The following ZNF860 variants were observed in gnomAD, a reference collection of about 807,000 sequenced individuals.
ZNF860 encodes the protein zinc finger protein 860.
For missense variants in ZNF860, 641 were observed against 759.2 expected (o/e 0.84, Z 1.83); for synonymous variants, 206 against 248.9 (o/e 0.83, Z 1.62).
At chr3:31,994,673 A>G (rs1398514940), downstream of ZNF860, among the ~76,000 whole-genome samples, 1 of 152,248 alleles carries the variant, frequency 6.6e-6, no homozygotes, top group Admixed American at 6.5e-5. Context: ...ATGAGACACC[A>G]AATCAGAAAA....
chr3:32,003,436 C>A, the ZNF860 span, among the ~76,000 whole-genome samples: 2 of 152,174 alleles, frequency 1.3e-5, no homozygotes, highest in Non-Finnish European at 2.9e-5. Flanking sequence ...TGTAGACTTG[C>A]CCTGAACCAT....
intron 1 of ZNF860, among the ~76,000 whole-genome samples, chr3:31,984,224 T>C (rs1307646903): frequency 3.9e-5 from 6 of 152,002 alleles, no homozygotes; most frequent in Non-Finnish European, 7.4e-5. Context: ...GTATTTTTAG[T>C]AGAGATGGGA....
At chr3:31,995,923 C>T (rs1699086772), downstream of ZNF860, among the ~76,000 whole-genome samples, 1 of 152,106 alleles carries the variant, frequency 6.6e-6, no homozygotes, top group South Asian at 2.1e-4. Context: ...ATCTCCCCTT[C>T]CTGATTTGCC....
chr3:31,988,712 G>A lies in ZNF860; in HGVS notation c.-368G>A. On this transcript the variant is annotated 5_prime_UTR_variant, in exon 2 of 2. Coordinates refer to ENST00000360311, the MANE Select transcript of ZNF860 (RefSeq NM_001137674.3). ...CATAAGGATACTCAGGCCACCAATGGATAGCCCAGGCAGGAGGCATGAAGG... is the reference window on the plus strand; with the variant it reads ...CATAAGGATACTCAGGCCACCAATGAATAGCCCAGGCAGGAGGCATGAAGG... 3 of 249,612 alleles carry A rather than the reference G, an allele frequency of 1.2e-5. No individual in the cohort carries two copies. In the South Asian group the frequency reaches 2.1e-4, roughly 18 times the overall value. The allele number at this position is 249,612 out of a possible 1,614,324, so 15.5% of individuals were successfully genotyped here.
downstream of ZNF860, among the ~76,000 whole-genome samples, chr3:31,993,920 A>G (rs9882456): frequency 6.6e-6 from 1 of 152,236 alleles, no homozygotes; most frequent in Admixed American, 6.5e-5. Context: ...TTGTTTGTGA[A>G]TGTTTATTGA....
chr3:31,983,113 A>G (rs1052661228), intron 1 of ZNF860, among the ~76,000 whole-genome samples: 11 of 152,180 alleles, frequency 7.2e-5, no homozygotes, highest in Non-Finnish European at 4.4e-5. Context: ...ACATGCACAA[A>G]ATGTTTGTTT....
chr3:32,001,858 C>A, the ZNF860 span, among the ~76,000 whole-genome samples: 4 of 152,176 alleles, frequency 2.6e-5, no homozygotes, highest in Non-Finnish European at 5.9e-5. Flanking sequence ...ACCCAGTAAT[C>A]TCTATTATCC....
rs1395094242 is a variant in ZNF860 at position 31,989,206 on chromosome 3, C to A, written c.127C>A (p.Pro43Thr). The A allele has an allele frequency of 6.2e-7, 1 of 1,614,030 alleles. No homozygotes were observed. The highest frequency in any genetic ancestry group is 8.5e-7 in the Non-Finnish European group (1 of 1,180,014). The change falls in exon 2 of 2, where the codon CCT becomes ACT. Residue 43 changes from proline to threonine, a missense_variant. Transcript: ENST00000360311. ...FSLEEWKCLD[P>T]TQRALYRAMM... ...TTTGGAGGAGTGGAAATGCCTGGAC[C>A]CTACGCAGAGGGCTTTATACAGGGC...
In ZNF860 at chr3:31,991,518, G is replaced by A. The variant is rs528469118; in HGVS notation, c.*540G>A. 2 of 166,770 alleles carry A rather than the reference G, an allele frequency of 1.2e-5. No homozygotes were observed. The highest frequency in any genetic ancestry group is 4.8e-5 in the African/African-American group (2 of 41,502). The allele number at this position is 166,770 out of a possible 1,614,324, so 10.3% of individuals were successfully genotyped here. On this transcript the variant is annotated 3_prime_UTR_variant, in exon 2 of 2. Coordinates refer to ENST00000360311, the MANE Select transcript of ZNF860 (RefSeq NM_001137674.3). ...CTTACTGTAAGTTCTCTAGCAAATGGAAGTGTTTTCTTAATTTTCTTTTAA... is the reference window on the plus strand; with the variant it reads ...CTTACTGTAAGTTCTCTAGCAAATGAAAGTGTTTTCTTAATTTTCTTTTAA...
In ZNF860 at chr3:31,989,454, A is replaced by G; in HGVS notation, c.375A>G (p.Glu125=). 1 of 1,614,240 alleles carries G rather than the reference A, an allele frequency of 6.2e-7. No homozygotes were observed. Among genetic ancestry groups the G allele is most frequent in the South Asian group, 1.1e-5 (1 of 91,076 alleles). ...AAGAAGACAAAAGAAATAGCCATGA[A>G]GCAACTATGACACAAATCAAAAAGT... is the stretch of plus-strand genomic sequence containing the variant. ...QWQEDKRNSH[E]ATMTQIKKLT... The change falls in exon 2 of 2, where the codon GAA becomes GAG. Residue 125 remains glutamate, a synonymous_variant. Coordinates refer to ENST00000360311, the MANE Select transcript of ZNF860 (RefSeq NM_001137674.3).
the ZNF860 span, among the ~76,000 whole-genome samples, chr3:31,996,765 C>T: frequency 2.0e-5 from 3 of 151,968 alleles, no homozygotes; most frequent in East Asian, 1.9e-4. Flanking sequence ...AAAAAGATCC[C>T]GCTATCAACT....
intron 1 of ZNF860, among the ~76,000 whole-genome samples, chr3:31,986,801 T>C (rs908462285): frequency 2.6e-5 from 4 of 151,962 alleles, no homozygotes; most frequent in African/African-American, 9.7e-5. Flanking sequence ...GCCCAGGAGT[T>C]CCAGACCAGC....
chr3:31,990,465 C>A lies in ZNF860; in HGVS notation c.1386C>A (p.Thr462=), dbSNP rs879205768. The A allele has an allele frequency of 5.1e-6, 8 of 1,565,110 alleles. No homozygotes were observed. The highest frequency in any genetic ancestry group is 3.6e-5 in the South Asian group (3 of 84,320). Residue 462 remains threonine (T), a synonymous_variant, in exon 2 of 2, where the codon ACC becomes ACA. Coordinates refer to ENST00000360311, the MANE Select transcript of ZNF860 (RefSeq NM_001137674.3). Reference sequence around the variant, plus strand: ...ACAAGTGTAATGAGTGTGGCAAGACCTTCCATCACAATTCAGCCCTTGTAA... The same window carrying A: ...ACAAGTGTAATGAGTGTGGCAAGACATTCCATCACAATTCAGCCCTTGTAA... The part of the protein sequence containing the change: ...KPYKCNECGK[T]FHHNSALVIH...
downstream of ZNF860, among the ~76,000 whole-genome samples, chr3:31,996,231 A>G (rs975675876): frequency 6.6e-6 from 1 of 152,210 alleles, no homozygotes; most frequent in African/African-American, 2.4e-5. Context: ...TAAAAGGGGG[A>G]AAATACAATT....
chr3:31,994,500 G>T (rs71323063), downstream of ZNF860, among the ~76,000 whole-genome samples: 7,198 of 146,478 alleles, frequency 0.049, 217 homozygotes, highest in East Asian at 0.12. Context: ...AAGGATGGAT[G>T]GATGGATGGA....
downstream of ZNF860, among the ~76,000 whole-genome samples, chr3:31,996,201 G>A (rs747150152): frequency 1.2e-4 from 18 of 152,168 alleles, no homozygotes; most frequent in Non-Finnish European, 2.1e-4. Flanking sequence ...TACCAAAGTG[G>A]ACAAAATATT....
intron 1 of ZNF860, chr3:31,986,281 AGAG>A (rs926550530): frequency 2.6e-4 from 40 of 152,254 alleles, no homozygotes; most frequent in African/African-American, 9.6e-4. Flanking sequence ...AGAAACTCAA[AGAG>A]GAGGAGTTGA....
downstream of ZNF860, among the ~76,000 whole-genome samples, chr3:31,993,562 A>T (rs1359883252): frequency 1.3e-5 from 2 of 152,190 alleles, no homozygotes; most frequent in Non-Finnish European, 2.9e-5. Flanking sequence ...ACCAAATAAG[A>T]TATACAGATG....
chr3:32,004,976 C>A, the ZNF860 span, among the ~76,000 whole-genome samples: 1 of 152,176 alleles, frequency 6.6e-6, no homozygotes, highest in Non-Finnish European at 1.5e-5. Flanking sequence ...TAATAAGTAT[C>A]CTTGGATAGG....
Sources: gnomAD v4.1 joint callset for allele counts (sites outside exome capture counted in the v4.1 genomes callset) on GRCh38, gnomAD v4.1.1 for gene constraint, MANE v1.5 for transcripts, NCBI Gene and HGNC (gene_info 2026-07-23, HGNC 2026-07-21) for gene names.